KCNMB3: variants seen among roughly 807,000 people sequenced by gnomAD.
KCNMB3 encodes the protein potassium calcium-activated channel subfamily M regulatory beta subunit 3.
A neutral mutation model predicts 11.9 loss-of-function variants in KCNMB3; 18 were observed. That is an observed-to-expected ratio of 1.51 (90% CI 1.04 to 2.23). KCNMB3 has a LOEUF of 2.23. KCNMB3 is among the 30% of genes most tolerant of loss of function. The probability of loss-of-function intolerance (pLI) is 0.00; values close to 1 mark genes in which losing one functional copy is unlikely to be tolerated. For missense variants in KCNMB3, 247 were observed against 329.4 expected (o/e 0.75, Z 1.94); for synonymous variants, 78 against 119.2 (o/e 0.65, Z 2.25).
chr3:179,263,705 T>C (rs985725634), intron 1 of KCNMB3, among the ~76,000 whole-genome samples: 1 of 152,148 alleles, frequency 6.6e-6, no homozygotes, highest in East Asian at 1.9e-4. Context: ...AAGGTAATGA[T>C]TGTGCACTTG....
chr3:179,252,701 A>G (rs933691703), upstream of KCNMB3, among the ~76,000 whole-genome samples: 1 of 151,516 alleles, frequency 6.6e-6, no homozygotes, highest in Non-Finnish European at 1.5e-5. Flanking sequence ...AGGGGCATGG[A>G]AAAAAAATTT....
intron 1 of KCNMB3, among the ~76,000 whole-genome samples, chr3:179,247,519 G>C (rs1035458874): frequency 6.6e-5 from 10 of 151,912 alleles, no homozygotes; most frequent in Non-Finnish European, 1.5e-4. Flanking sequence ...TTAAAAAAAA[G>C]TGAGGTACAA....
upstream of KCNMB3, chr3:179,251,212 A>T (rs1725832663): frequency 6.4e-7 from 1 of 1,570,262 alleles, no homozygotes. Flanking sequence ...TTAATCAATA[A>T]CTAGAGAATG....
intron 1 of KCNMB3, chr3:179,260,361 G>A: frequency 1.9e-6 from 3 of 1,613,948 alleles, no homozygotes; most frequent in Non-Finnish European, 2.5e-6. Flanking sequence ...ACCTGCTAAG[G>A]TTCCTAGGAA....
At chr3:179,241,764 A>G (rs532637013), downstream of KCNMB3, 2 of 154,050 alleles carry the variant, frequency 1.3e-5, no homozygotes, top group Admixed American at 1.3e-4. Flanking sequence ...TTGACTATCC[A>G]TGTGGGACTT....
upstream of KCNMB3, chr3:179,251,627 G>A: frequency 7.9e-7 from 1 of 1,262,450 alleles, no homozygotes; most frequent in Non-Finnish European, 9.9e-7. Context: ...GGTGTCTGGT[G>A]AACAGAAGAG....
intron 1 of KCNMB3, among the ~76,000 whole-genome samples, chr3:179,264,692 C>T (rs565086017): frequency 6.6e-6 from 1 of 152,330 alleles, no homozygotes; most frequent in South Asian, 2.1e-4. Flanking sequence ...CCAGCAGCCT[C>T]TCCCTCCAGC....
chr3:179,251,528 C>T (rs145680151), upstream of KCNMB3: 2 of 1,356,162 alleles, frequency 1.5e-6, no homozygotes, highest in South Asian at 2.2e-5. Context: ...CATGGTTCTG[C>T]ATAAGTGTCC....
chr3:179,261,580 C>T (rs1271007806), intron 1 of KCNMB3, among the ~76,000 whole-genome samples: 2 of 152,112 alleles, frequency 1.3e-5, no homozygotes, highest in Non-Finnish European at 2.9e-5. Flanking sequence ...CGCCCCGCCC[C>T]ACACTTGCAA....
rs536344616 is a variant in KCNMB3, at chr3:179,260,171, T to C, written c.62+6478A>G. ...CTCCAACCTGAGTCACCGCTGCCTC[T>C]CCCACATTCTCTGTGTGGCTCCCAC... On this transcript the variant is annotated intron_variant, in intron 1 of 3. Transcript: ENST00000349697. 1.6e-5 allele frequency: 26 copies of C among 1,612,402 alleles called. No homozygotes were observed. In the South Asian group the frequency reaches 2.6e-4, roughly 16 times the overall value.
chr3:179,254,057 T>C (rs1227718168), upstream of KCNMB3, among the ~76,000 whole-genome samples: 2 of 152,136 alleles, frequency 1.3e-5, no homozygotes, highest in Non-Finnish European at 2.9e-5. Flanking sequence ...TTGAGGGCAT[T>C]TGCGGAACTT....
chr3:179,260,077 A>C, intron 1 of KCNMB3: 3 of 1,608,834 alleles, frequency 1.9e-6, no homozygotes, highest in Non-Finnish European at 1.7e-6. Context: ...TCTACCATAC[A>C]TCTGTCATCA....
chr3:179,260,287 CTG>C (rs1726160128), intron 1 of KCNMB3: 1 of 1,614,022 alleles, frequency 6.2e-7, no homozygotes, highest in South Asian at 1.1e-5. Context: ...TCAACCTGTG[CTG>C]TGTTTTCAGG....
Position 179,263,319 on chromosome 3 carries a change from T to C in KCNMB3, c.62+3330A>G, listed in dbSNP as rs558919902. On this transcript the variant is annotated intron_variant, in intron 1 of 3. Transcript: ENST00000349697. ...CCACTCGGAGTGCTGGCCCGCTGAG[T>C]CCACGCCCACCTGGAACTCGGACTG... 2.0e-3 allele frequency among the ~76,000 whole-genome samples: 298 copies of C among 152,242 alleles called. 3 individuals carry two copies. The highest frequency in any genetic ancestry group is 6.8e-3 in the African/African-American group (282 of 41,518).
upstream of KCNMB3, chr3:179,251,649 G>C (rs1725848022): frequency 1.6e-6 from 2 of 1,244,510 alleles, no homozygotes; most frequent in Non-Finnish European, 2.0e-6. Context: ...CCAACACAAA[G>C]GTCGCAAACC....
chr3:179,249,666 C>T (rs572040127), intron 1 of KCNMB3, among the ~76,000 whole-genome samples: 23 of 152,190 alleles, frequency 1.5e-4, no homozygotes, highest in Admixed American at 1.4e-3. Flanking sequence ...AGCAAGACTC[C>T]GTCTCAGAAA....
At chr3:179,254,025 T>G (rs1044557402), upstream of KCNMB3, among the ~76,000 whole-genome samples, 9 of 152,178 alleles carry the variant, frequency 5.9e-5, no homozygotes, top group East Asian at 1.7e-3. Flanking sequence ...GAAAGGAAGG[T>G]GGACAGAAGT....
intron 1 of KCNMB3, 42 bp downstream of exon 1, chr3:179,250,701 A>G (rs910615678): frequency 1.8e-5 from 29 of 1,600,592 alleles, no homozygotes; most frequent in African/African-American, 2.7e-5. Flanking sequence ...CCTGGATCTT[A>G]TCTGAATTGG....
chr3:179,265,157 C>T (rs1241363233), intron 1 of KCNMB3, among the ~76,000 whole-genome samples: 3 of 152,180 alleles, frequency 2.0e-5, no homozygotes, highest in African/African-American at 7.2e-5. Context: ...TTTTAATTGT[C>T]TGTTCACAAA....
Sources: gnomAD v4.1 joint callset for allele counts (sites outside exome capture counted in the v4.1 genomes callset) on GRCh38, gnomAD v4.1.1 for gene constraint, MANE v1.5 for transcripts, NCBI Gene and HGNC (gene_info 2026-07-23, HGNC 2026-07-21) for gene names.